Variants in CDCA4 observed in about 807,000 individuals in gnomAD.
The protein encoded by CDCA4 is cell division cycle-associated protein 4.
For synonymous variants in CDCA4, 130 were observed against 137.0 expected (o/e 0.95, Z 0.36); for missense variants, 294 against 322.1 (o/e 0.91, Z 0.67).
intron 1 of CDCA4, among the ~76,000 whole-genome samples, chr14:105,015,953 C>T (rs1900642395): frequency 6.6e-6 from 1 of 151,548 alleles, no homozygotes; most frequent in South Asian, 2.1e-4. Flanking sequence ...AGCCACCGTG[C>T]CAGGCCAGGA....
At chr14:105,017,145 G>A (rs1028235529) in intron 1 of CDCA4, among the ~76,000 whole-genome samples, 2 of 152,158 alleles carry the variant, frequency 1.3e-5, no homozygotes, top group Non-Finnish European at 2.9e-5. Context: ...ACCAGCAGGT[G>A]TGAGCCTCCA....
chr14:105,010,134 CG>C lies in CDCA4; in HGVS notation c.*1069del, dbSNP rs1240364983. The C allele has an allele frequency of 6.6e-6, 1 of 152,600 alleles. No homozygotes were observed. The highest frequency in any genetic ancestry group is 1.5e-5 in the Non-Finnish European group (1 of 68,048). 9.5% of individuals were successfully genotyped at this position (152,600 alleles called of 1,614,324 possible). On this transcript the variant is annotated 3_prime_UTR_variant, in exon 2 of 2. Coordinates refer to ENST00000336219, the MANE Select transcript of CDCA4 (RefSeq NM_017955.4). Reference sequence around the variant, plus strand: ...GCACCCCCAGCTCACTCCCTGCCTGCGGCAGCACCCATGACACTACAGATCA... The same window carrying C: ...GCACCCCCAGCTCACTCCCTGCCTGCGCAGCACCCATGACACTACAGATCA...
chr14:105,020,244 T>A (rs1397541016), intron 1 of CDCA4, among the ~76,000 whole-genome samples: 1 of 152,146 alleles, frequency 6.6e-6, no homozygotes, highest in Non-Finnish European at 1.5e-5. Flanking sequence ...AAAACGTAAG[T>A]TTTGTGAACA....
chr14:105,016,475 T>C (rs1307727086), intron 1 of CDCA4, among the ~76,000 whole-genome samples: 1 of 152,226 alleles, frequency 6.6e-6, no homozygotes, highest in Non-Finnish European at 1.5e-5. Context: ...TTGATAAACA[T>C]TATTAAACTG....
intron 1 of CDCA4, 145 bp from the exon 2 acceptor site, chr14:105,012,080 A>C: frequency 1.0e-6 from 1 of 953,164 alleles, no homozygotes; most frequent in Non-Finnish European, 1.5e-6. Flanking sequence ...GTAACTCCCT[A>C]ACAGAGCTGA....
intron 1 of CDCA4, 90 bp from the exon 2 acceptor site, chr14:105,012,025 C>T (rs369116805): frequency 9.0e-6 from 13 of 1,451,276 alleles, no homozygotes; most frequent in African/African-American, 1.4e-5. Flanking sequence ...CCTCACTGTA[C>T]GCAAGGAGCA....
intron 1 of CDCA4, among the ~76,000 whole-genome samples, chr14:105,020,288 C>A (rs1050204183): frequency 6.6e-6 from 1 of 152,190 alleles, no homozygotes; most frequent in Non-Finnish European, 1.5e-5. Context: ...TTTGAGAGAA[C>A]GGTTATCTGG....
intron 1 of CDCA4, among the ~76,000 whole-genome samples, chr14:105,020,701 C>A (rs1886209305): frequency 6.6e-6 from 1 of 152,252 alleles, no homozygotes; most frequent in Admixed American, 6.5e-5. Context: ...CCGCGTGGGG[C>A]CGCCCGCAGG....
intron 1 of CDCA4, among the ~76,000 whole-genome samples, chr14:105,018,067 C>T (rs1012287224): frequency 3.9e-5 from 6 of 152,038 alleles, no homozygotes; most frequent in Non-Finnish European, 7.4e-5. Context: ...GTTGTGAAAA[C>T]ACAGAAGGGT....
chr14:105,017,762 C>A (rs889604873), intron 1 of CDCA4, among the ~76,000 whole-genome samples: 1 of 151,768 alleles, frequency 6.6e-6, no homozygotes, highest in African/African-American at 2.4e-5. Context: ...ACCTGGAAGG[C>A]GGAGGTTGCA....
At chr14:105,013,819 T>G (rs556260005) in intron 1 of CDCA4, among the ~76,000 whole-genome samples, 3 of 152,212 alleles carry the variant, frequency 2.0e-5, no homozygotes, top group Non-Finnish European at 4.4e-5. Flanking sequence ...CTAAGTGACC[T>G]CTTGGGCATT....
chr14:105,019,730 G>A (rs1238233888), intron 1 of CDCA4, among the ~76,000 whole-genome samples: 3 of 143,438 alleles, frequency 2.1e-5, no homozygotes, highest in Non-Finnish European at 3.0e-5. Flanking sequence ...TTTGTTTTTT[G>A]AGACGGAGTC....
intron 1 of CDCA4, among the ~76,000 whole-genome samples, chr14:105,018,290 A>C (rs193155606): frequency 2.0e-5 from 3 of 152,124 alleles, no homozygotes; most frequent in Admixed American, 6.5e-5. Context: ...TACCAGGAGA[A>C]TATCCCTGTT....
At position 105,011,372 on chromosome 14, in the gene CDCA4, G is replaced by A. The variant is rs190988303; in HGVS notation, c.558C>T (p.Ser186=). The change falls in exon 2 of 2, where the codon AGC becomes AGT. Residue 186 remains serine (S), a synonymous_variant. Coordinates refer to ENST00000336219, the MANE Select transcript of CDCA4 (RefSeq NM_017955.4). ...CMEELFSDVD[S]PYYDLDTVLT... is the part of the protein sequence containing the mutation. ...GTACTGTGTCCAGGTCGTAGTAGGG[G>A]CTGTCCACGTCTGAGAACAGCTCTT... is the stretch of plus-strand genomic sequence containing the variant. The A allele has an allele frequency of 6.2e-7, 1 of 1,614,234 alleles. No homozygotes were observed. Among genetic ancestry groups the A allele is most frequent in the South Asian group, 1.1e-5 (1 of 91,084 alleles).
intron 1 of CDCA4, among the ~76,000 whole-genome samples, chr14:105,012,854 A>G (rs1444887443): frequency 1.3e-5 from 2 of 152,128 alleles, no homozygotes; most frequent in South Asian, 4.1e-4. Context: ...CAGCCCGTAC[A>G]ACCATGGCCT....
intron 1 of CDCA4, among the ~76,000 whole-genome samples, chr14:105,012,166 T>G (rs1443264398): frequency 6.6e-6 from 1 of 152,222 alleles, no homozygotes; most frequent in Non-Finnish European, 1.5e-5. Context: ...GTCACGTTGT[T>G]AGAAACGACA....
Position 105,010,954 on chromosome 14 carries a change from C to A in CDCA4, c.*250G>T, listed in dbSNP as rs1330388347. Reference sequence around the variant, plus strand: ...GGGGGACACAAAGAGACACGAGGGGCCCAGGGCTGTGGGGACGTCAGAAGA... The same window carrying A: ...GGGGGACACAAAGAGACACGAGGGGACCAGGGCTGTGGGGACGTCAGAAGA... On this transcript the variant is annotated 3_prime_UTR_variant, in exon 2 of 2. Transcript: ENST00000336219. 47 of 558,046 alleles carry A rather than the reference C, an allele frequency of 8.4e-5. No individual in the cohort carries two copies. The highest frequency in any genetic ancestry group is 1.4e-4 in the Non-Finnish European group (43 of 316,742). 34.6% of individuals were successfully genotyped at this position (558,046 alleles called of 1,614,324 possible).
chr14:105,016,594 C>T lies in CDCA4; in HGVS notation c.-7+4405G>A, dbSNP rs541166479. Reference sequence around the variant, plus strand: ...CAAGTCTCTAAGCCCCACAGCTAAGCGTTCCTTCCCTCCTCCACTGAGCTC... The same window carrying T: ...CAAGTCTCTAAGCCCCACAGCTAAGTGTTCCTTCCCTCCTCCACTGAGCTC... On this transcript the variant is annotated intron_variant, in intron 1 of 1. Transcript: ENST00000336219. 6.6e-5 allele frequency among the ~76,000 whole-genome samples: 10 copies of T among 152,340 alleles called. No individual in the cohort carries two copies. The East Asian group carries it at 1.5e-3, about 23-fold the overall frequency.
chr14:105,012,284 A>G (rs752791262), intron 1 of CDCA4, among the ~76,000 whole-genome samples: 2 of 152,276 alleles, frequency 1.3e-5, no homozygotes, highest in Non-Finnish European at 2.9e-5. Context: ...TTGGCTGAAA[A>G]TCTGTTTCAA....
Sources: allele counts gnomAD v4.1 joint callset (sites outside exome capture counted in the v4.1 genomes callset), GRCh38; gene constraint gnomAD v4.1.1; transcripts MANE v1.5; gene names NCBI Gene and HGNC (gene_info 2026-07-23, HGNC 2026-07-21).